Variants in PTPRD observed in about 807,000 individuals in gnomAD.
The protein encoded by PTPRD is protein tyrosine phosphatase receptor type D.
Under a neutral mutation model 214.5 loss-of-function variants are expected in PTPRD, and 34 were observed. The observed-to-expected ratio is 0.16, with a 90% CI of 0.12 to 0.21. The LOEUF (loss-of-function observed/expected upper bound fraction) is 0.21. PTPRD is among the 10% of genes least tolerant of loss of function. The probability of loss-of-function intolerance (pLI) is 1.00; values close to 1 mark genes in which losing one functional copy is unlikely to be tolerated. For synonymous variants in PTPRD, 1,128 were observed against 845.7 expected (o/e 1.33, Z -5.79); for missense variants, 2,545 against 2,398.7 (o/e 1.06, Z -1.27).
intron 8 of PTPRD, among the ~76,000 whole-genome samples, chr9:9,465,885 C>G (rs1589153807): frequency 6.6e-6 from 1 of 151,818 alleles, no homozygotes; most frequent in African/African-American, 2.4e-5. Flanking sequence ...TGGGTTTCTC[C>G]TAATACACCC....
At chr9:8,871,347 T>C (rs1289784039) in intron 11 of PTPRD, among the ~76,000 whole-genome samples, 1 of 152,158 alleles carries the variant, frequency 6.6e-6, no homozygotes, top group Non-Finnish European at 1.5e-5. Context: ...TGTTAGCATC[T>C]GATCACTAAG....
intron 5 of PTPRD, among the ~76,000 whole-genome samples, chr9:9,934,520 A>T (rs957699759): frequency 6.0e-5 from 9 of 150,684 alleles, no homozygotes; most frequent in African/African-American, 2.2e-4. Context: ...CCCAAGACTA[A>T]ACCAGGAAGA....
chr9:9,086,344 A>T (rs559399565), intron 10 of PTPRD, among the ~76,000 whole-genome samples: 1 of 152,304 alleles, frequency 6.6e-6, no homozygotes, highest in South Asian at 2.1e-4. Flanking sequence ...GCTGTTCATT[A>T]TGGGCAGCCT....
chr9:8,332,300 C>T (rs186524436), intron 43 of PTPRD, among the ~76,000 whole-genome samples: 1 of 152,094 alleles, frequency 6.6e-6, no homozygotes, highest in Non-Finnish European at 1.5e-5. Context: ...GTATCTGACA[C>T]AAACCCGGTA....
At chr9:10,568,109 C>T (rs897993065) in intron 2 of PTPRD, among the ~76,000 whole-genome samples, 1 of 133,586 alleles carries the variant, frequency 7.5e-6, no homozygotes, top group African/African-American at 2.7e-5. Context: ...AATGCTACCC[C>T]TCCCCCCTCC....
At position 9,032,295 on chromosome 9, in the gene PTPRD, A is replaced by G. The variant is rs117056786; in HGVS notation, c.-142-13560T>C. ...ATAGCTGCAGCTTCTCAAAACTGCA[A>G]TTGCTTTTCATGGTGTGGCATTGCT... On this transcript the variant is annotated intron_variant, in intron 10 of 45. Coordinates refer to ENST00000381196, the MANE Select transcript of PTPRD (RefSeq NM_002839.4). Among the ~76,000 whole-genome samples, 1,184 of 152,150 alleles carry G rather than the reference A, an allele frequency of 7.8e-3. 13 individuals carry two copies. Among genetic ancestry groups the G allele is most frequent in the Non-Finnish European group, 0.014 (918 of 67,996 alleles).
intron 3 of PTPRD, among the ~76,000 whole-genome samples, chr9:10,186,770 G>C (rs1420724800): frequency 6.6e-6 from 1 of 151,982 alleles, no homozygotes; most frequent in Non-Finnish European, 1.5e-5. Flanking sequence ...ACTGTCACAA[G>C]ATACAGAAAA....
chr9:8,761,341 A>C (rs1214865214), intron 11 of PTPRD, among the ~76,000 whole-genome samples: 1 of 152,168 alleles, frequency 6.6e-6, no homozygotes, highest in East Asian at 1.9e-4. Flanking sequence ...TAATTTGATA[A>C]AGTGATAACA....
At chr9:9,234,673 G>A (rs1407903572) in intron 9 of PTPRD, among the ~76,000 whole-genome samples, 2 of 152,138 alleles carry the variant, frequency 1.3e-5, no homozygotes, top group East Asian at 1.9e-4. Context: ...TTCCACAGAT[G>A]TAAAGGACAG....
At chr9:8,658,393 T>C (rs767906007) in intron 12 of PTPRD, among the ~76,000 whole-genome samples, 16 of 152,200 alleles carry the variant, frequency 1.1e-4, no homozygotes, top group Non-Finnish European at 1.9e-4. Flanking sequence ...CATTGTGTCC[T>C]ATTAAATTGT....
intron 3 of PTPRD, among the ~76,000 whole-genome samples, chr9:10,307,884 T>C (rs556601192): frequency 1.3e-3 from 205 of 152,152 alleles, no homozygotes; most frequent in Non-Finnish European, 2.6e-3. Flanking sequence ...AAATATCTAT[T>C]CATATCATTT....
intron 2 of PTPRD, among the ~76,000 whole-genome samples, chr9:10,475,933 C>A (rs1256866057): frequency 6.6e-6 from 1 of 151,846 alleles, no homozygotes; most frequent in Admixed American, 6.6e-5. Context: ...AATTCAACAT[C>A]CCTTCATGCT....
At chr9:10,389,026 C>T (rs1394877376) in intron 2 of PTPRD, among the ~76,000 whole-genome samples, 2 of 151,780 alleles carry the variant, frequency 1.3e-5, no homozygotes, top group African/African-American at 2.4e-5. Context: ...TTGGAGTAAT[C>T]ATTTGTTGTG....
At chr9:8,585,094 GTTAAAGTACT>G (rs1249090328) in intron 14 of PTPRD, among the ~76,000 whole-genome samples, 3 of 152,228 alleles carry the variant, frequency 2.0e-5, no homozygotes, top group African/African-American at 4.8e-5. Flanking sequence ...CCAAACCACT[GTTAAAGTACT>G]TTAAAGTACT....
At chr9:8,683,527 C>T (rs1187891175) in intron 12 of PTPRD, among the ~76,000 whole-genome samples, 3 of 152,080 alleles carry the variant, frequency 2.0e-5, no homozygotes, top group Non-Finnish European at 2.9e-5. Flanking sequence ...ACTCTCAGAA[C>T]CCACCTCCTC....
At chr9:8,342,711 A>G (rs998697439) in intron 39 of PTPRD, among the ~76,000 whole-genome samples, 1 of 152,056 alleles carries the variant, frequency 6.6e-6, no homozygotes, top group African/African-American at 2.4e-5. Context: ...TGATCTGTCC[A>G]TTTCTTCATT....
intron 5 of PTPRD, among the ~76,000 whole-genome samples, chr9:9,836,612 A>T (rs1289146495): frequency 2.0e-5 from 3 of 152,150 alleles, no homozygotes; most frequent in Admixed American, 2.0e-4. Flanking sequence ...TCCTCTTCAA[A>T]GGATGCAGAG....
intron 7 of PTPRD, among the ~76,000 whole-genome samples, chr9:9,645,413 G>C (rs898122719): frequency 2.0e-5 from 3 of 148,320 alleles, no homozygotes; most frequent in Non-Finnish European, 4.5e-5. Context: ...GTGTTGATTT[G>C]CTTTGTTTTT....
intron 27 of PTPRD, among the ~76,000 whole-genome samples, chr9:8,486,651 C>A (rs1210757397): frequency 6.6e-6 from 1 of 152,096 alleles, no homozygotes; most frequent in Non-Finnish European, 1.5e-5. Context: ...CATAAAGGTT[C>A]ATATCAAAGA....
Sources: gnomAD v4.1 joint callset for allele counts (sites outside exome capture counted in the v4.1 genomes callset) on GRCh38, gnomAD v4.1.1 for gene constraint, MANE v1.5 for transcripts, NCBI Gene and HGNC (gene_info 2026-07-23, HGNC 2026-07-21) for gene names.